Variants in MYO10 observed in about 807,000 individuals in gnomAD.
MYO10 encodes myosin X.
In MYO10, 133 loss-of-function variants were observed where a neutral mutation model predicts 257.3. The ratio of observed to expected loss-of-function variants is 0.52; its 90% CI spans 0.45 to 0.60. The LOEUF (loss-of-function observed/expected upper bound fraction) is 0.60. Among genes scored for constraint, MYO10 ranks in the 20% least tolerant of loss-of-function variants. The probability of loss-of-function intolerance (pLI) is 0.00; values close to 1 mark genes in which losing one functional copy is unlikely to be tolerated. For missense variants in MYO10, 2,399 were observed against 2,635.7 expected (o/e 0.91, Z 1.97); for synonymous variants, 1,104 against 1,028.6 (o/e 1.07, Z -1.40).
At chr5:16,744,236 G>T (rs1037566705) in intron 19 of MYO10, among the ~76,000 whole-genome samples, 1 of 152,154 alleles carries the variant, frequency 6.6e-6, no homozygotes, top group Non-Finnish European at 1.5e-5. Context: ...AACATATAAT[G>T]TAAGTATGTG....
intron 1 of MYO10, among the ~76,000 whole-genome samples, chr5:16,913,111 C>T (rs1021707632): frequency 5.3e-5 from 8 of 151,948 alleles, no homozygotes; most frequent in Non-Finnish European, 1.0e-4. Flanking sequence ...CAAAAATAAA[C>T]CATTTCTTTC....
intron 2 of MYO10, among the ~76,000 whole-genome samples, chr5:16,843,900 A>G (rs1743556118): frequency 6.6e-6 from 1 of 152,234 alleles, no homozygotes; most frequent in Non-Finnish European, 1.5e-5. Flanking sequence ...AGGTTAAGTG[A>G]AGACACTACT....
chr5:16,779,778 G>C (rs1031642981), intron 8 of MYO10, 130 bp from the exon 9 acceptor site: 3 of 527,906 alleles, frequency 5.7e-6, no homozygotes, highest in Non-Finnish European at 9.9e-6. Context: ...AGATAATAAA[G>C]TTCCCTCTTA....
At chr5:16,898,997 T>A (rs956754117) in intron 1 of MYO10, among the ~76,000 whole-genome samples, 2 of 148,334 alleles carry the variant, frequency 1.3e-5, no homozygotes, top group African/African-American at 4.9e-5. Context: ...TAGCTGGGCA[T>A]GGCGGTGGGT....
In MYO10 at chr5:16,664,331, A is replaced by G. The variant is rs1180924940; in HGVS notation, c.*2361T>C. 1 of 152,234 alleles carries G rather than the reference A, an allele frequency of 6.6e-6. No individual in the cohort carries two copies. The highest frequency in any genetic ancestry group is 1.5e-5 in the Non-Finnish European group (1 of 68,058). 9.4% of individuals were successfully genotyped at this position (152,234 alleles called of 1,614,324 possible). Reference sequence around the variant, plus strand: ...TTGAGGGCGGGCGACAGCCTTCCAGAGTAAATTAAGTCACAGAGGGAATCC... The same window carrying G: ...TTGAGGGCGGGCGACAGCCTTCCAGGGTAAATTAAGTCACAGAGGGAATCC... On this transcript the variant is annotated 3_prime_UTR_variant, in exon 41 of 41. Transcript: ENST00000513610.
rs138140377 is a variant in MYO10 at position 16,891,310 on chromosome 5, GGAGAA to G, written c.22-13608_22-13604del. On this transcript the variant is annotated intron_variant, in intron 1 of 40. Coordinates refer to ENST00000513610, the MANE Select transcript of MYO10 (RefSeq NM_012334.3). ...ACTCCGTCTTGAAAGAGAGAGAAAA[GGAGAA>G]GAGAAAAGGAAGGAAGGAAGGAAGG... Among the ~76,000 whole-genome samples, 301 of 71,272 alleles carry G rather than the reference GGAGAA, an allele frequency of 4.2e-3. 2 individuals carry two copies. Among genetic ancestry groups the G allele is most frequent in the Non-Finnish European group, 6.7e-3 (177 of 26,348 alleles). The allele number at this position is 71,272 out of a possible 152,430, so 46.8% of individuals were successfully genotyped here. A position where few individuals can be genotyped will look rare whatever the true frequency, so the allele number is the denominator to read the frequency against.
chr5:16,726,563 G>A (rs1302920068), intron 19 of MYO10, among the ~76,000 whole-genome samples: 1 of 152,080 alleles, frequency 6.6e-6, no homozygotes. Context: ...TCAAATCCAG[G>A]CATCGTGACA....
chr5:16,719,107 C>G (rs1579900616), intron 19 of MYO10, among the ~76,000 whole-genome samples: 1 of 150,258 alleles, frequency 6.7e-6, no homozygotes, highest in East Asian at 1.9e-4. Flanking sequence ...TTTGGGTCCA[C>G]GCTGCTTTTA....
intron 1 of MYO10, among the ~76,000 whole-genome samples, chr5:16,894,952 C>A (rs1745176843): frequency 6.6e-6 from 1 of 151,584 alleles, no homozygotes; most frequent in African/African-American, 2.4e-5. Context: ...AATCACCCTC[C>A]ATAAACTATT....
chr5:16,877,800 TA>T (rs557157655), intron 1 of MYO10, 93 bp from the exon 2 acceptor site: 8 of 892,298 alleles, frequency 9.0e-6, no homozygotes, highest in Admixed American at 2.5e-5. Flanking sequence ...TATATTCCTT[TA>T]AAAAAAATCT....
intron 2 of MYO10, among the ~76,000 whole-genome samples, chr5:16,858,002 T>A (rs1401370307): frequency 6.6e-6 from 1 of 152,182 alleles, no homozygotes; most frequent in East Asian, 1.9e-4. Context: ...TGGCAAACTT[T>A]TTCTGCTAAA....
At chr5:16,679,579 C>G (rs1451263356) in intron 33 of MYO10, among the ~76,000 whole-genome samples, 3 of 143,490 alleles carry the variant, frequency 2.1e-5, no homozygotes, top group African/African-American at 8.0e-5. Flanking sequence ...GGCTGGGGTG[C>G]AGTGGAATGA....
At chr5:16,714,777 T>C (rs1738775455) in intron 19 of MYO10, among the ~76,000 whole-genome samples, 1 of 152,094 alleles carries the variant, frequency 6.6e-6, no homozygotes. Flanking sequence ...GAGCCAAGAT[T>C]GTGCCACTGC....
rs969866149 is a variant in MYO10 at position 16,766,283 on chromosome 5, A to G, written c.1061-85T>C. 3.2e-6 allele frequency: 3 copies of G among 950,092 alleles called. No homozygotes were observed. The Admixed American group carries it at 6.3e-5, about 20-fold the overall frequency. 58.9% of individuals were successfully genotyped at this position (950,092 alleles called of 1,614,324 possible). Reference sequence around the variant, plus strand: ...AGCGATACCTTAACGCAGAGAACACACCTGAATCCCTCACGCAGAGTTTAG... The same window carrying G: ...AGCGATACCTTAACGCAGAGAACACGCCTGAATCCCTCACGCAGAGTTTAG... On this transcript the variant is annotated intron_variant, in intron 10 of 40. Transcript: ENST00000513610.
chr5:16,678,197 A>AT (rs1220753850), intron 33 of MYO10, among the ~76,000 whole-genome samples: 1 of 152,186 alleles, frequency 6.6e-6, no homozygotes. Flanking sequence ...CAAAAAATAA[A>AT]TTTTTTAAGG....
At chr5:16,785,748 T>C (rs1741559966) in intron 4 of MYO10, among the ~76,000 whole-genome samples, 1 of 152,134 alleles carries the variant, frequency 6.6e-6, no homozygotes, top group South Asian at 2.1e-4. Flanking sequence ...CGCACGTCTG[T>C]AATCCCAGCT....
At chr5:16,671,855 T>C (rs772712322) in intron 37 of MYO10, among the ~76,000 whole-genome samples, 1 of 152,184 alleles carries the variant, frequency 6.6e-6, no homozygotes, top group Non-Finnish European at 1.5e-5. Flanking sequence ...CAAAAGCCTG[T>C]TTCTTTATTA....
intron 4 of MYO10, among the ~76,000 whole-genome samples, chr5:16,791,236 G>T (rs535809944): frequency 6.6e-6 from 1 of 152,236 alleles, no homozygotes; most frequent in South Asian, 2.1e-4. Context: ...GGCAGATCAT[G>T]CCCAAGGAAA....
Position 16,681,820 on chromosome 5 carries a change from A to G in MYO10, c.4189+51T>C, listed in dbSNP as rs532593015. On this transcript the variant is annotated intron_variant, in intron 31 of 40. Transcript: ENST00000513610. ...AAATGCTGCAGATGTCTATATGCAA[A>G]TGGAAAGGGGAGTCTGTTAAGCAGA... The G allele has an allele frequency of 4.4e-6, 7 of 1,574,432 alleles. No individual in the cohort carries two copies. The African/African-American group carries it at 9.5e-5, about 21-fold the overall frequency.
Sources: allele counts gnomAD v4.1 joint callset (sites outside exome capture counted in the v4.1 genomes callset), GRCh38; gene constraint gnomAD v4.1.1; transcripts MANE v1.5; gene names NCBI Gene and HGNC (gene_info 2026-07-23, HGNC 2026-07-21).